The following CRTC3 variants were observed in gnomAD, a reference collection of about 807,000 sequenced individuals.
The protein encoded by CRTC3 is CREB regulated transcription coactivator 3.
CRTC3 carries 26 observed loss-of-function variants against 74.5 expected under a neutral mutation model. The observed-to-expected ratio is 0.35, with a 90% CI of 0.26 to 0.48. The LOEUF is 0.48. Among genes scored for constraint, CRTC3 ranks in the 20% least tolerant of loss-of-function variants. The pLI is 0.99. For synonymous variants in CRTC3, 377 were observed against 325.8 expected (o/e 1.16, Z -1.69); for missense variants, 760 against 787.3 (o/e 0.97, Z 0.41).
chr15:90,617,711 G>A (rs1180550644), intron 7 of CRTC3, among the ~76,000 whole-genome samples, 172 bp from the exon 8 acceptor site: 1 of 152,004 alleles, frequency 6.6e-6, no homozygotes, highest in Non-Finnish European at 1.5e-5. Flanking sequence ...TAAATTTTTT[G>A]TAGAGACGGG....
intron 9 of CRTC3, chr15:90,625,000 C>T (rs2151090677): frequency 6.5e-6 from 1 of 152,722 alleles, no homozygotes; most frequent in East Asian, 1.9e-4. Context: ...TGCATTCTGG[C>T]ACAGAACTCC....
chr15:90,535,712 GGA>G (rs929452803), intron 1 of CRTC3, among the ~76,000 whole-genome samples: 3 of 152,158 alleles, frequency 2.0e-5, no homozygotes, highest in African/African-American at 7.2e-5. Context: ...TCAGGATGGA[GGA>G]GAGAGAGAAG....
intron 8 of CRTC3, 93 bp from the exon 9 acceptor site, chr15:90,619,648 C>A: frequency 1.0e-6 from 1 of 989,912 alleles, no homozygotes; most frequent in Non-Finnish European, 1.6e-6. Flanking sequence ...CACTTGCGCC[C>A]ACTAGAGCCT....
In CRTC3 at chr15:90,642,374, G is replaced by A. The variant is rs940615659; in HGVS notation, c.*234G>A. The A allele has an allele frequency of 3.1e-5, 17 of 555,172 alleles. No homozygotes were observed. The highest frequency in any genetic ancestry group is 5.2e-5 in the Non-Finnish European group (16 of 308,744). 34.4% of individuals were successfully genotyped at this position (555,172 alleles called of 1,614,324 possible). A position where few individuals can be genotyped will look rare whatever the true frequency, so the allele number is the denominator to read the frequency against. Reference sequence around the variant, plus strand: ...AAAGTCGTGTTGCAGCAGGCAGGCTGCTTGGAGCTTCCCATGAACTGGAAA... The same window carrying A: ...AAAGTCGTGTTGCAGCAGGCAGGCTACTTGGAGCTTCCCATGAACTGGAAA... On this transcript the variant is annotated 3_prime_UTR_variant, in exon 15 of 15. Transcript: ENST00000268184.
chr15:90,612,383 A>T (rs1366352174), intron 6 of CRTC3, among the ~76,000 whole-genome samples: 2 of 151,812 alleles, frequency 1.3e-5, no homozygotes. Flanking sequence ...ATTATCCTTC[A>T]ATGAATGGCG....
At chr15:90,639,183 G>C (rs1269245870) in intron 13 of CRTC3, among the ~76,000 whole-genome samples, 3 of 152,164 alleles carry the variant, frequency 2.0e-5, no homozygotes, top group Non-Finnish European at 4.4e-5. Flanking sequence ...GAGTCAGAAG[G>C]TGGCGCCGCA....
chr15:90,619,704 A>T, intron 8 of CRTC3, 37 bp from the exon 9 acceptor site: 2 of 1,600,074 alleles, frequency 1.2e-6, no homozygotes, highest in Non-Finnish European at 1.7e-6. Flanking sequence ...ATTTGGCTTT[A>T]CAGCGAGTAA....
rs1016494680 is a variant in CRTC3, at chr15:90,645,172, T to C, written c.*3032T>C. 4.3e-6 allele frequency: 1 copy of C among 229,890 alleles called. No individual in the cohort carries two copies. The highest frequency in any genetic ancestry group is 8.6e-6 in the Non-Finnish European group (1 of 115,860). 14.2% of individuals were successfully genotyped at this position (229,890 alleles called of 1,614,324 possible). A position where few individuals can be genotyped will look rare whatever the true frequency, so the allele number is the denominator to read the frequency against. ...TTCCCAGCATGTGTCCAGTGCTTCATGGATGGGACCATCCCAGCAACTAAT... is the reference window on the plus strand; with the variant it reads ...TTCCCAGCATGTGTCCAGTGCTTCACGGATGGGACCATCCCAGCAACTAAT... On this transcript the variant is annotated 3_prime_UTR_variant, in exon 15 of 15. Transcript: ENST00000268184.
intron 11 of CRTC3, 83 bp downstream of exon 11, chr15:90,629,615 G>C (rs1332068301): frequency 4.9e-6 from 7 of 1,432,106 alleles, no homozygotes; most frequent in Non-Finnish European, 6.8e-6. Context: ...TTACTATTTT[G>C]GGTTACACTC....
chr15:90,548,468 T>C (rs899297886), intron 2 of CRTC3, among the ~76,000 whole-genome samples: 23 of 152,220 alleles, frequency 1.5e-4, no homozygotes, highest in African/African-American at 5.5e-4. Context: ...AGAGTTCGCA[T>C]AGCAAGTAAG....
At chr15:90,569,446 A>G (rs1967207072) in intron 2 of CRTC3, among the ~76,000 whole-genome samples, 1 of 147,648 alleles carries the variant, frequency 6.8e-6, no homozygotes, top group South Asian at 2.2e-4. Flanking sequence ...CAGCCTCCCA[A>G]GTAGCTGAGA....
At chr15:90,546,324 A>T (rs987941427) in intron 2 of CRTC3, among the ~76,000 whole-genome samples, 1 of 152,100 alleles carries the variant, frequency 6.6e-6, no homozygotes, top group Admixed American at 6.6e-5. Context: ...ATGCCTTGGT[A>T]CCTTTGTTGA....
chr15:90,588,216 C>T (rs916650279), intron 2 of CRTC3, among the ~76,000 whole-genome samples: 6 of 151,176 alleles, frequency 4.0e-5, no homozygotes, highest in East Asian at 2.0e-4. Flanking sequence ...GCTGAGATCA[C>T]GCCACTGCAC....
intron 2 of CRTC3, among the ~76,000 whole-genome samples, chr15:90,577,824 T>C (rs1202588245): frequency 6.6e-6 from 1 of 152,108 alleles, no homozygotes; most frequent in African/African-American, 2.4e-5. Flanking sequence ...AAAAAGTAGA[T>C]ACCACAATGA....
intron 14 of CRTC3, among the ~76,000 whole-genome samples, chr15:90,641,593 G>A (rs553073186): frequency 3.3e-5 from 5 of 152,120 alleles, no homozygotes; most frequent in South Asian, 2.1e-4. Flanking sequence ...TCAGCTACTC[G>A]GGAGGCTGAG....
At chr15:90,602,779 T>G (rs914726515) in intron 4 of CRTC3, among the ~76,000 whole-genome samples, 15 of 151,780 alleles carry the variant, frequency 9.9e-5, no homozygotes, top group Non-Finnish European at 2.2e-4. Context: ...ATTGAGACCA[T>G]CCTGGCCAAC....
intron 3 of CRTC3, among the ~76,000 whole-genome samples, 172 bp from the exon 4 acceptor site, chr15:90,602,152 G>A (rs1478013972): frequency 6.6e-6 from 1 of 152,176 alleles, no homozygotes; most frequent in East Asian, 1.9e-4. Context: ...TTAGAAGACA[G>A]CAGAATAGAC....
chr15:90,598,940 C>G (rs887225640), intron 3 of CRTC3: 2 of 175,546 alleles, frequency 1.1e-5, no homozygotes, highest in Non-Finnish European at 2.4e-5. Context: ...CCCGCCACCC[C>G]CTCCACCTGC....
chr15:90,575,666 A>C (rs1251104468), intron 2 of CRTC3, among the ~76,000 whole-genome samples: 2 of 152,154 alleles, frequency 1.3e-5, no homozygotes, highest in East Asian at 3.9e-4. Flanking sequence ...TCTTTTATTA[A>C]TCTGCGTGTC....
Sources: allele counts gnomAD v4.1 joint callset (sites outside exome capture counted in the v4.1 genomes callset), GRCh38; gene constraint gnomAD v4.1.1; transcripts MANE v1.5; gene names NCBI Gene and HGNC (gene_info 2026-07-23, HGNC 2026-07-21).